The following AANAT variants were observed in gnomAD, a reference collection of about 807,000 sequenced individuals.
AANAT encodes aralkylamine N-acetyltransferase.
Under a neutral mutation model 15.6 loss-of-function variants are expected in AANAT, and 11 were observed. That is an observed-to-expected ratio of 0.71 (90% CI 0.44 to 1.17). The LOEUF (loss-of-function observed/expected upper bound fraction) is 1.17, where lower values mean the gene tolerates loss of function less well. Ranked by LOEUF, AANAT falls within the 50% of genes most tolerant of loss-of-function variation. AANAT has a pLI of 0.00. For synonymous variants in AANAT, 139 were observed against 131.5 expected (o/e 1.06, Z -0.39); for missense variants, 286 against 296.3 (o/e 0.97, Z 0.26).
At chr17:76,457,469 T>G (rs1433672528) in intron 1 of AANAT, among the ~76,000 whole-genome samples, 1 of 152,214 alleles carries the variant, frequency 6.6e-6, no homozygotes. Flanking sequence ...ATATCGGCAC[T>G]CCTGGAAGAC....
intron 1 of AANAT, 32 bp from the exon 2 acceptor site, chr17:76,468,640 T>C (rs2073466958): frequency 1.3e-6 from 2 of 1,515,870 alleles, no homozygotes; most frequent in East Asian, 4.9e-5. Context: ...GAGATGAGGA[T>C]GAGACCCCTG....
upstream of AANAT, among the ~76,000 whole-genome samples, chr17:76,463,794 A>T (rs1300020717): frequency 1.3e-5 from 2 of 152,164 alleles, no homozygotes; most frequent in Non-Finnish European, 2.9e-5. Flanking sequence ...CTAACAGTGG[A>T]CATCCCAAAA....
chr17:76,454,983 C>T (rs1362527531), intron 1 of AANAT, among the ~76,000 whole-genome samples: 1 of 151,498 alleles, frequency 6.6e-6, no homozygotes, highest in Admixed American at 6.6e-5. Context: ...AAAAATTAGC[C>T]GGGCGCGGTG....
rs1282053133 is a variant in AANAT at position 76,468,468 on chromosome 17, C to T, written c.-75-204C>T. ...GGCAAACCTCCAGGGATCCTTCTGG[C>T]TGAGAGGGAAAGGTGGGGAGACAGT... On this transcript the variant is annotated intron_variant, in intron 1 of 3. Transcript: ENST00000392492. 5 of 587,180 alleles carry T rather than the reference C, an allele frequency of 8.5e-6. No homozygotes were observed. The Admixed American group carries it at 1.5e-4, about 18-fold the overall frequency. The allele number at this position is 587,180 out of a possible 1,614,324, so 36.4% of individuals were successfully genotyped here.
chr17:76,463,203 G>A (rs1254513844), upstream of AANAT, among the ~76,000 whole-genome samples: 1 of 152,090 alleles, frequency 6.6e-6, no homozygotes, highest in South Asian at 2.1e-4. Flanking sequence ...CAGCGAGTCA[G>A]TGTGCCTTTA....
chr17:76,457,404 A>G (rs1261617508), intron 1 of AANAT, among the ~76,000 whole-genome samples: 2 of 152,146 alleles, frequency 1.3e-5, no homozygotes, highest in South Asian at 2.1e-4. Flanking sequence ...GAGTATGCCT[A>G]TGTTTGTTGT....
Position 76,469,564 on chromosome 17 carries a change from CAG to C in AANAT, c.319-100_319-99del. ...TTTGCTGGGGTGGGTGCCCTGACCACAGGCACCCAGGGGACACCTGCTCCCTG... is the reference window on the plus strand; with the variant it reads ...TTTGCTGGGGTGGGTGCCCTGACCACGCACCCAGGGGACACCTGCTCCCTG... On this transcript the variant is annotated intron_variant, in intron 3 of 3. Transcript: ENST00000392492. The surrounding 1 kb of genome is among the most constrained non-coding windows in gnomAD (Gnocchi z 5.2). The C allele has an allele frequency of 7.4e-7, 1 of 1,344,182 alleles. No individual in the cohort carries two copies. Among genetic ancestry groups the C allele is most frequent in the South Asian group, 1.5e-5 (1 of 65,264 alleles). The allele number at this position is 1,344,182 out of a possible 1,614,324, so 83.3% of individuals were successfully genotyped here. A position where few individuals can be genotyped will look rare whatever the true frequency, so the allele number is the denominator to read the frequency against.
At chr17:76,460,130 ATTTTTTTTTTTTTTTTTTTTT>A (rs556197358) in intron 2 of AANAT, among the ~76,000 whole-genome samples, 6 of 88,002 alleles carry the variant, frequency 6.8e-5, no homozygotes, top group African/African-American at 3.7e-4. Flanking sequence ...ACTTCAGGAA[ATTTTTTTTTTTTTTTTTTTTT>A]TTTTTTTTTT....
chr17:76,466,246 G>A, upstream of AANAT: 5 of 1,530,352 alleles, frequency 3.3e-6, no homozygotes, highest in South Asian at 1.2e-5. Context: ...GGGATGCCCA[G>A]CTGAGGTCTT....
In AANAT at chr17:76,469,194, T is replaced by A; in HGVS notation, c.185T>A (p.Val62Asp). The change falls in exon 3 of 4, where the codon GTC (valine) becomes GAC (aspartate). Residue 62 changes from valine (V) to aspartate (D), a missense_variant. Physicochemically the swap from Val to Asp is radical, Grantham distance 152. Coordinates refer to ENST00000392492, the MANE Select transcript of AANAT (RefSeq NM_001088.3). This position sits in a 1 kb window ranked among gnomAD's most constrained non-coding sequence, Gnocchi z 5.2. ...ACAGCCTTCATCTCCGTCTTGGGCGTCTGCCCCCTGTACCTGGATGAGATC... is the reference window on the plus strand; with the variant it reads ...ACAGCCTTCATCTCCGTCTTGGGCGACTGCCCCCTGTACCTGGATGAGATC... ...EREAFISVLG[V>D]CPLYLDEIRH... 6.2e-7 allele frequency: 1 copy of A among 1,614,136 alleles called. No homozygotes were observed. Among genetic ancestry groups the A allele is most frequent in the African/African-American group, 1.3e-5 (1 of 75,068 alleles).
At chr17:76,460,958 A>T (rs558225093) in intron 2 of AANAT, among the ~76,000 whole-genome samples, 33 of 152,228 alleles carry the variant, frequency 2.2e-4, no homozygotes, top group African/African-American at 7.9e-4. Flanking sequence ...TGAGGTCAGG[A>T]GTTTGAGACT....
At chr17:76,453,508 A>C in exon 1 of AANAT, 1 of 186,332 alleles carries the variant, frequency 5.4e-6, no homozygotes, top group Non-Finnish European at 1.1e-5. Flanking sequence ...ACAACTTTTA[A>C]TGAGCTCCCT....
intron 1 of AANAT, among the ~76,000 whole-genome samples, chr17:76,457,520 T>C (rs1278324241): frequency 6.6e-6 from 1 of 152,208 alleles, no homozygotes; most frequent in Non-Finnish European, 1.5e-5. Context: ...TAATGGCTAA[T>C]AATAGCTATC....
intron 2 of AANAT, among the ~76,000 whole-genome samples, chr17:76,460,130 ATTTTTTTTTTTT>A (rs556197358): frequency 2.7e-4 from 24 of 88,014 alleles, no homozygotes; most frequent in East Asian, 1.8e-3. Context: ...ACTTCAGGAA[ATTTTTTTTTTTT>A]TTTTTTTTTT....
At chr17:76,458,149 G>A (rs2073356713) in intron 1 of AANAT, among the ~76,000 whole-genome samples, 1 of 152,218 alleles carries the variant, frequency 6.6e-6, no homozygotes, top group South Asian at 2.1e-4. Flanking sequence ...TGAAGAAGCT[G>A]GGACAGAGCT....
upstream of AANAT, among the ~76,000 whole-genome samples, chr17:76,464,602 A>C (rs60974102): frequency 7.2e-5 from 11 of 152,100 alleles, no homozygotes; most frequent in Non-Finnish European, 1.5e-4. Context: ...TTGTGGATAC[A>C]GGACTTTCAA....
chr17:76,453,486 G>C (rs1327581446), exon 1 of AANAT: 6 of 212,712 alleles, frequency 2.8e-5, no homozygotes, highest in Non-Finnish European at 5.6e-5. Flanking sequence ...CAGGATGGTG[G>C]AGAGACTGTC....
intron 1 of AANAT, chr17:76,453,929 C>T (rs540689276): frequency 3.9e-5 from 6 of 152,336 alleles, no homozygotes; most frequent in Admixed American, 3.9e-4. Context: ...TTTGGCACTG[C>T]CACTTACTAA....
chr17:76,464,341 TAAA>T (rs553446724), upstream of AANAT, among the ~76,000 whole-genome samples: 4 of 133,538 alleles, frequency 3.0e-5, no homozygotes, highest in Non-Finnish European at 4.8e-5. Flanking sequence ...GACTCTGTCT[TAAA>T]AAAAAAAAAA....
Sources: gnomAD v4.1 joint callset for allele counts (sites outside exome capture counted in the v4.1 genomes callset) on GRCh38, gnomAD v4.1.1 for gene constraint, Gnocchi (gnomAD v3.1) non-coding constraint, MANE v1.5 for transcripts, NCBI Gene and HGNC (gene_info 2026-07-23, HGNC 2026-07-21) for gene names.